Variants in POMT2 observed in about 807,000 individuals in gnomAD.
POMT2 encodes protein O-mannosyl-transferase 2.
In POMT2, 75 loss-of-function variants were observed where a neutral mutation model predicts 100.0. The ratio of observed to expected loss-of-function variants is 0.75; its 90% CI spans 0.62 to 0.91. The LOEUF is 0.91. Ranked by LOEUF, POMT2 falls within the 40% of genes least tolerant of loss-of-function variation. The probability of loss-of-function intolerance (pLI) is 0.00; values close to 1 mark genes in which losing one functional copy is unlikely to be tolerated. For missense variants in POMT2, 940 were observed against 955.1 expected, an observed-to-expected ratio of 0.98 and a Z score of 0.21; for synonymous variants, 378 against 374.1, an observed-to-expected ratio of 1.01 and a Z score of -0.12.
At chr14:77,303,079 C>A in intron 4 of POMT2, 136 bp from the exon 5 acceptor site, 1 of 725,370 alleles carries the variant, frequency 1.4e-6, no homozygotes, top group Non-Finnish European at 2.5e-6. Context: ...GGACTAGAGT[C>A]AACACTGAGT....
At chr14:77,296,533 T>C (rs1890838389) in intron 8 of POMT2, 3 of 498,372 alleles carry the variant, frequency 6.0e-6, no homozygotes, top group African/African-American at 3.8e-5. Context: ...GCACTACGTG[T>C]AACAGCAAAA....
chr14:77,280,321 C>T (rs989751756), intron 16 of POMT2, 71 bp downstream of exon 16: 45 of 1,605,758 alleles, frequency 2.8e-5, no homozygotes, highest in Non-Finnish European at 3.4e-5. Flanking sequence ...CACCCACCCC[C>T]GCCTCCACCG....
intron 12 of POMT2, 124 bp downstream of exon 12, chr14:77,286,620 T>G: frequency 7.2e-7 from 1 of 1,394,258 alleles, no homozygotes. Context: ...GTTAAGAGAG[T>G]CCCTGTGCAG....
intron 9 of POMT2, among the ~76,000 whole-genome samples, chr14:77,291,823 A>T (rs1268270825): frequency 2.0e-5 from 3 of 152,134 alleles, no homozygotes; most frequent in African/African-American, 7.2e-5. Flanking sequence ...ACCTGAGGTC[A>T]GGAGTTTGAG....
intron 10 of POMT2, among the ~76,000 whole-genome samples, 159 bp from the exon 11 acceptor site, chr14:77,288,990 G>T (rs182490529): frequency 6.6e-6 from 1 of 151,858 alleles, no homozygotes; most frequent in Admixed American, 6.6e-5. Flanking sequence ...ATTGCTTCAG[G>T]GTATTAGAGA....
intron 9 of POMT2, among the ~76,000 whole-genome samples, chr14:77,295,885 G>A (rs573036787): frequency 8.8e-4 from 134 of 152,132 alleles, no homozygotes; most frequent in Non-Finnish European, 1.5e-3. Flanking sequence ...TTCAATATGA[G>A]AAGGTTTACC....
chr14:77,287,701 G>C (rs1890485859), intron 11 of POMT2: 1 of 151,964 alleles, frequency 6.6e-6, no homozygotes, highest in Admixed American at 6.6e-5. Context: ...TGTGTGCTTT[G>C]TTACTTTTGG....
chr14:77,315,468 G>A (rs1386327062), intron 1 of POMT2, among the ~76,000 whole-genome samples: 1 of 152,226 alleles, frequency 6.6e-6, no homozygotes. Context: ...GGTAATGTTT[G>A]AGCCACGCTC....
chr14:77,320,691 C>G lies in POMT2; in HGVS notation c.-10G>C. 1 of 1,592,282 alleles carries G rather than the reference C, an allele frequency of 6.3e-7. No individual in the cohort carries two copies. The highest frequency in any genetic ancestry group is 2.2e-5 in the East Asian group (1 of 44,566). Reference sequence around the variant, plus strand: ...CCGTGGCCGGCGGCATCTTCCCCCTCCTCTGGGTCGCCCTCCGGCCCGGAG... The same window carrying G: ...CCGTGGCCGGCGGCATCTTCCCCCTGCTCTGGGTCGCCCTCCGGCCCGGAG... On this transcript the variant is annotated 5_prime_UTR_variant, in exon 1 of 21. Coordinates refer to ENST00000261534, the MANE Select transcript of POMT2 (RefSeq NM_013382.7).
chr14:77,283,906 G>T, intron 14 of POMT2, 33 bp from the exon 15 acceptor site: 6 of 1,529,502 alleles, frequency 3.9e-6, no homozygotes, highest in Non-Finnish European at 5.4e-6. Flanking sequence ...AAAAGCCTTT[G>T]TCATACATTC....
intron 9 of POMT2, chr14:77,291,615 T>C (rs1890644542): frequency 1.6e-6 from 1 of 620,926 alleles, no homozygotes; most frequent in African/African-American, 1.8e-5. Context: ...AGAGCCTTTT[T>C]GTTTCTTTGT....
At chr14:77,305,051 G>A (rs1891177293) in intron 3 of POMT2, among the ~76,000 whole-genome samples, 1 of 152,162 alleles carries the variant, frequency 6.6e-6, no homozygotes, top group Non-Finnish European at 1.5e-5. Flanking sequence ...CAGCCAGGAA[G>A]GTGTGGGTAG....
chr14:77,286,658 T>A, intron 12 of POMT2, 86 bp downstream of exon 12: 1 of 1,577,676 alleles, frequency 6.3e-7, no homozygotes, highest in Non-Finnish European at 8.7e-7. Flanking sequence ...CATTCCAGAA[T>A]TCTGGGGAGG....
rs748794664 is a variant in POMT2 at position 77,300,819 on chromosome 14, C to CAAA, written c.816+268_816+270dup. 5.3e-3 allele frequency: 1,789 copies of CAAA among 339,292 alleles called. 1 individual carries two copies. Among genetic ancestry groups the CAAA allele is most frequent in the East Asian group, 8.8e-3 (117 of 13,370 alleles). The allele number at this position is 339,292 out of a possible 1,614,324, so 21.0% of individuals were successfully genotyped here. On this transcript the variant is annotated intron_variant, in intron 6 of 20. Coordinates refer to ENST00000261534, the MANE Select transcript of POMT2 (RefSeq NM_013382.7). ...TGGGTAACAGAGTGAAACTCTATCTCAAAAAAAAAAAAAAGACAGACATTA... is the reference window on the plus strand; with the variant it reads ...TGGGTAACAGAGTGAAACTCTATCTCAAAAAAAAAAAAAAAAAGACAGACATTA...
Position 77,296,376 on chromosome 14 carries a change from G to A in POMT2, c.1007-103C>T, listed in dbSNP as rs969644248. The A allele has an allele frequency of 4.8e-5, 38 of 786,888 alleles. No homozygotes were observed. The Middle Eastern group carries it at 2.4e-3, about 49-fold the overall frequency. The allele number at this position is 786,888 out of a possible 1,614,324, so 48.7% of individuals were successfully genotyped here. The stretch of plus-strand genomic sequence containing the variant: ...GCCACAGGGCTCACTAACCCTCTGC[G>A]AGACTCCCCTGGGCCCTGGACTGAA... On this transcript the variant is annotated intron_variant, in intron 8 of 20. Transcript: ENST00000261534.
chr14:77,291,135 G>A (rs1890625381), intron 10 of POMT2, among the ~76,000 whole-genome samples, 179 bp downstream of exon 10: 1 of 152,120 alleles, frequency 6.6e-6, no homozygotes, highest in East Asian at 1.9e-4. Context: ...CAACAACAGT[G>A]CTTGGAACAC....
At chr14:77,318,472 T>C (rs1318187223) in intron 1 of POMT2, among the ~76,000 whole-genome samples, 1 of 152,228 alleles carries the variant, frequency 6.6e-6, no homozygotes, top group Admixed American at 6.5e-5. Context: ...CACCACCTTC[T>C]ATCAATGCGG....
chr14:77,282,144 A>T lies in POMT2; in HGVS notation c.1653+1653T>A, dbSNP rs1292338277. Among the ~76,000 whole-genome samples, 5 of 152,236 alleles carry T rather than the reference A, an allele frequency of 3.3e-5. No homozygotes were observed. The South Asian group carries it at 8.3e-4, about 25-fold the overall frequency. On this transcript the variant is annotated intron_variant, in intron 15 of 20. Transcript: ENST00000261534. The stretch of plus-strand genomic sequence containing the variant: ...AGGGAAACCAATTCCTTCAAATTGT[A>T]CAGTTTGGTCCCAAACCCAAGGACT...
chr14:77,299,886 C>T (rs1890959329), intron 6 of POMT2: 3 of 361,664 alleles, frequency 8.3e-6, no homozygotes, highest in Non-Finnish European at 1.6e-5. Context: ...GTACACTAAC[C>T]TCCTTGAACT....
Sources: gnomAD v4.1 joint callset for allele counts (sites outside exome capture counted in the v4.1 genomes callset) on GRCh38, gnomAD v4.1.1 for gene constraint, MANE v1.5 for transcripts, NCBI Gene and HGNC (gene_info 2026-07-23, HGNC 2026-07-21) for gene names.